KRT4: variants seen among roughly 807,000 people sequenced by gnomAD.
The protein encoded by KRT4 is keratin, type II cytoskeletal 4.
A neutral mutation model predicts 50.6 loss-of-function variants in KRT4; 47 were observed. The observed-to-expected ratio is 0.93, with a 90% CI of 0.73 to 1.18. The LOEUF is 1.18. Among genes scored for constraint, KRT4 ranks in the 50% most tolerant of loss-of-function variants. KRT4 has a pLI of 0.00. For synonymous variants in KRT4, 254 were observed against 251.2 expected (o/e 1.01, Z -0.10); for missense variants, 651 against 645.7 (o/e 1.01, Z -0.09).
chr12:52,810,778 T>G lies in KRT4; in HGVS notation c.716A>C (p.Asn239Thr). Residue 239 changes from asparagine to threonine, a missense_variant, in exon 3 of 9, where the codon AAT becomes ACT. By Grantham distance (65) the Asn-to-Thr change is moderately conservative. Coordinates refer to ENST00000551956, the MANE Select transcript of KRT4 (RefSeq NM_002272.4). ...TACCTTCTTTAGGACCACAAAGTCA[T>G]TCTCGGCTGCTGTGCGTTTGTTGAT... ...EEINKRTAAENDFVVLKKDVD... is the reference protein window; with the variant it reads ...EEINKRTAAETDFVVLKKDVD... 1.2e-6 allele frequency: 2 copies of G among 1,614,158 alleles called. No homozygotes were observed. Among genetic ancestry groups the G allele is most frequent in the South Asian group, 2.2e-5 (2 of 91,082 alleles).
chr12:52,807,942 C>A (rs1939831433), intron 6 of KRT4, 78 bp from the exon 7 acceptor site: 2 of 1,307,184 alleles, frequency 1.5e-6, no homozygotes, highest in African/African-American at 2.9e-5. Context: ...TCCCCTGGTC[C>A]AGCTTTCCTT....
In KRT4 at chr12:52,807,264, A is replaced by G. The variant is rs550610487; in HGVS notation, c.1382-14T>C. 10 of 1,614,128 alleles carry G rather than the reference A, an allele frequency of 6.2e-6. No individual in the cohort carries two copies. The highest frequency in any genetic ancestry group is 2.2e-5 in the East Asian group (1 of 44,882). ...CGCTGACCACAGCTGCAGAAAAGAC[A>G]CAAAAGACACAGTTATTCCAATGCT... On this transcript the variant is annotated splice_polypyrimidine_tract_variant and intron_variant, in intron 8 of 8. Coordinates refer to ENST00000551956, the MANE Select transcript of KRT4 (RefSeq NM_002272.4).
chr12:52,808,992 G>A lies in KRT4; in HGVS notation c.835-142C>T. 4.3e-6 allele frequency: 4 copies of A among 923,780 alleles called. No homozygotes were observed. In the South Asian group the frequency reaches 5.5e-5, roughly 13 times the overall value. The allele number at this position is 923,780 out of a possible 1,614,324, so 57.2% of individuals were successfully genotyped here. On this transcript the variant is annotated intron_variant, in intron 4 of 8. Coordinates refer to ENST00000551956, the MANE Select transcript of KRT4 (RefSeq NM_002272.4). ...AGTTCTAAGGAGAAATCAAGTGGTT[G>A]TGACAGTTCAGGATGGAAGAGCAAT...
rs750574259 is a variant in KRT4, at chr12:52,811,872, T to A, written c.568A>T (p.Thr190Ser). 13 of 1,614,068 alleles carry A rather than the reference T, an allele frequency of 8.1e-6. No individual in the cohort carries two copies. Among genetic ancestry groups the A allele is most frequent in the Non-Finnish European group, 1.0e-5 (12 of 1,180,014 alleles). The change falls in exon 2 of 9, where the codon ACC becomes TCC. Residue 190 changes from threonine (T) to serine (S), a missense_variant. Physicochemically the swap from Thr to Ser is moderately conservative, Grantham distance 58. Transcript: ENST00000551956. ...TGCTTCCTCAGGACACTGAGGTAGG[T>A]CTCAAAGAGGGGCTCAAGGTTTTTG... ...SSKNLEPLFE[T>S]YLSVLRKQLD...
intron 3 of KRT4, among the ~76,000 whole-genome samples, chr12:52,810,311 G>C (rs1939886542): frequency 6.6e-6 from 1 of 152,164 alleles, no homozygotes; most frequent in African/African-American, 2.4e-5. Context: ...ACTTTGGGAG[G>C]CTGAGGCAGG....
chr12:52,810,276 G>A (rs766717787), intron 3 of KRT4, among the ~76,000 whole-genome samples: 10 of 152,158 alleles, frequency 6.6e-5, no homozygotes, highest in East Asian at 1.9e-4. Context: ...AGCTGGGTGC[G>A]GTGGCTCACA....
In KRT4 at chr12:52,813,938, G is replaced by A. The variant is rs781063765; in HGVS notation, c.121C>T (p.Arg41Ter). 16 of 1,614,158 alleles carry A rather than the reference G, an allele frequency of 9.9e-6. No homozygotes were observed. Among genetic ancestry groups the A allele is most frequent in the Middle Eastern group, 1.6e-4 (1 of 6,062 alleles). ...CTGCCAAATCCCCCAGAAGAGCATC[G>A]GCCAGCACCTCCAGACATGGAGACT... ...SSVSMSGGAGRCSSGGFGSRS... is the reference protein window; with the variant it reads ...SSVSMSGGAG The change falls in exon 1 of 9, where the codon CGA becomes TGA. Residue 41 changes from arginine to a stop codon, truncating the protein, a stop_gained. Transcript: ENST00000551956. LOFTEE classifies it high-confidence loss of function.
Position 52,813,845 on chromosome 12 carries a change from C to T in KRT4, c.214G>A (p.Ala72Thr). The T allele has an allele frequency of 6.2e-7, 1 of 1,614,118 alleles. No individual in the cohort carries two copies. Among genetic ancestry groups the T allele is most frequent in the Non-Finnish European group, 8.5e-7 (1 of 1,179,918 alleles). ...AAGCCTCCAGCACCCCCAAAGCAGG[C>T]ACCTTGTCGTGACCCAGCCACACTC... ...SMSVAGSRQG[A>T]CFGGAGGFGT... Residue 72 changes from alanine to threonine, a missense_variant, in exon 1 of 9, where the codon GCC (alanine) becomes ACC (threonine). Ala to Thr is a moderately conservative substitution (Grantham distance 58). Transcript: ENST00000551956.
rs555522483 is a variant in KRT4, at chr12:52,808,420, C to T, written c.1000-1G>A. 1.2e-6 allele frequency: 2 copies of T among 1,613,692 alleles called. No individual in the cohort carries two copies. The highest frequency in any genetic ancestry group is 2.7e-5 in the African/African-American group (2 of 75,028). On this transcript the variant is annotated splice_acceptor_variant, in intron 5 of 8. Transcript: ENST00000551956. LOFTEE classifies it high-confidence loss of function. The stretch of plus-strand genomic sequence containing the variant: ...CAACCGAGATCTGGAGCTGCTGGAC[C>T]TAAGACTCAAGAAGACACAGAGAAC...
In KRT4 at chr12:52,811,796, GT is replaced by G; in HGVS notation, c.643del (p.Thr215ProfsTer30). 1 of 1,613,798 alleles carries G rather than the reference GT, an allele frequency of 6.2e-7. No individual in the cohort carries two copies. The highest frequency in any genetic ancestry group is 8.5e-7 in the Non-Finnish European group (1 of 1,179,992). On this transcript the variant is annotated frameshift_variant, in exon 2 of 9. Transcript: ENST00000551956. LOFTEE classifies it high-confidence loss of function. The part of the protein sequence containing the change: ...DKGRLQSELK[T>X]MQDSVEDFKT... The stretch of plus-strand genomic sequence containing the variant: ...GAAGTCCTCCACGCTGTCCTGCATG[GT>G]CTTCAGCTCAGACTGCAGGCGCCCT...
chr12:52,809,342 G>A lies in KRT4; in HGVS notation c.834+41C>T, dbSNP rs748412574. On this transcript the variant is annotated intron_variant, in intron 4 of 8. Coordinates refer to ENST00000551956, the MANE Select transcript of KRT4 (RefSeq NM_002272.4). Reference sequence around the variant, plus strand: ...CCAACCAGCAGCGTCACAGATGGGGGATTCCCTTTCCCTGGATGGAGGGGA... The same window carrying A: ...CCAACCAGCAGCGTCACAGATGGGGAATTCCCTTTCCCTGGATGGAGGGGA... 3.7e-5 allele frequency: 53 copies of A among 1,432,958 alleles called. No individual in the cohort carries two copies. In the African/African-American group the frequency reaches 5.5e-4, roughly 15 times the overall value. 88.8% of individuals were successfully genotyped at this position (1,432,958 alleles called of 1,614,324 possible).
intron 6 of KRT4, 112 bp downstream of exon 6, chr12:52,808,182 C>T: frequency 7.1e-7 from 1 of 1,403,924 alleles, no homozygotes; most frequent in Non-Finnish European, 1.0e-6. Context: ...TATGAATTCC[C>T]AGCAACAAGC....
intron 3 of KRT4, 116 bp from the exon 4 acceptor site, chr12:52,809,594 C>T: frequency 1.3e-6 from 1 of 789,226 alleles, no homozygotes; most frequent in Non-Finnish European, 2.3e-6. Flanking sequence ...TACTCAGCAG[C>T]AGGGGAGCTG....
Position 52,810,896 on chromosome 12 carries a change from G to A in KRT4, c.678-80C>T, listed in dbSNP as rs894506890. 6.6e-6 allele frequency: 8 copies of A among 1,208,760 alleles called. No individual in the cohort carries two copies. The African/African-American group carries it at 9.0e-5, about 14-fold the overall frequency. 74.9% of individuals were successfully genotyped at this position (1,208,760 alleles called of 1,614,324 possible). ...TCAGATCTCTGCTGCTTGTTTTCAA[G>A]CATTTCCAAACAAATTTGGAAATAT... On this transcript the variant is annotated intron_variant, in intron 2 of 8. Coordinates refer to ENST00000551956, the MANE Select transcript of KRT4 (RefSeq NM_002272.4).
intron 6 of KRT4, 77 bp from the exon 7 acceptor site, chr12:52,807,941 C>T (rs1939831394): frequency 7.6e-7 from 1 of 1,309,150 alleles, no homozygotes; most frequent in African/African-American, 1.4e-5. Flanking sequence ...CTCCCCTGGT[C>T]CAGCTTTCCT....
intron 4 of KRT4, 164 bp from the exon 5 acceptor site, chr12:52,809,014 C>A: frequency 5.2e-6 from 4 of 768,184 alleles, no homozygotes; most frequent in Non-Finnish European, 4.5e-6. Flanking sequence ...GATGGAAGAG[C>A]AATGCTTCTA....
Position 52,811,910 on chromosome 12 carries a change from G to T in KRT4, c.530C>A (p.Thr177Asn). ...CTCAAGGTTTTTGCTGGAGGTGGTG[G>T]TCGTCTGCTGCTGGAGCAGGTTCCA... ...TKWNLLQQQT[T>N]TTSSKNLEPL... The change falls in exon 2 of 9, where the codon ACC (threonine) becomes AAC (asparagine). Residue 177 changes from threonine (T) to asparagine (N), a missense_variant. Coordinates refer to ENST00000551956, the MANE Select transcript of KRT4 (RefSeq NM_002272.4). 1.9e-6 allele frequency: 3 copies of T among 1,614,058 alleles called. No homozygotes were observed. The highest frequency in any genetic ancestry group is 1.1e-5 in the South Asian group (1 of 91,068).
rs370960727 is a variant in KRT4, at chr12:52,813,905, G to A, written c.154C>T (p.Leu52Phe). 7.9e-7 allele frequency: 1 copy of A among 1,260,350 alleles called. No individual in the cohort carries two copies. The highest frequency in any genetic ancestry group is 2.0e-4 in the Middle Eastern group (1 of 4,944). The allele number at this position is 1,260,350 out of a possible 1,614,324, so 78.1% of individuals were successfully genotyped here. A position where few individuals can be genotyped will look rare whatever the true frequency, so the allele number is the denominator to read the frequency against. The change falls in exon 1 of 9, where the codon CTC (leucine) becomes TTC (phenylalanine). Residue 52 changes from leucine to phenylalanine, a missense_variant. Leu to Phe is a conservative substitution (Grantham distance 22). Transcript: ENST00000551956. ...CTTTTGTTCCCCCTGAGGTTGTAGA[G>A]GCTTCTGCTGCCAAATCCCCCAGAA... is the stretch of plus-strand genomic sequence containing the variant. ...CSSGGFGSRSLYNLRGNKSIS... is the reference protein window; with the variant it reads ...CSSGGFGSRSFYNLRGNKSIS...
rs979865720 is a variant in KRT4, at chr12:52,807,270, G to C, written c.1382-20C>G. 6.2e-7 allele frequency: 1 copy of C among 1,614,008 alleles called. No individual in the cohort carries two copies. Among genetic ancestry groups the C allele is most frequent in the African/African-American group, 1.3e-5 (1 of 74,888 alleles). ...CCACAGCTGCAGAAAAGACACAAAA[G>C]ACACAGTTATTCCAATGCTGCCAGC... is the stretch of plus-strand genomic sequence containing the variant. On this transcript the variant is annotated intron_variant, in intron 8 of 8. Transcript: ENST00000551956.
Sources: allele counts gnomAD v4.1 joint callset (sites outside exome capture counted in the v4.1 genomes callset), GRCh38; gene constraint gnomAD v4.1.1; transcripts MANE v1.5; gene names NCBI Gene and HGNC (gene_info 2026-07-23, HGNC 2026-07-21).